The following RALYL variants were observed in gnomAD, a reference collection of about 807,000 sequenced individuals.
RALYL encodes RNA-binding Raly-like protein.
A neutral mutation model predicts 35.1 loss-of-function variants in RALYL; 29 were observed. The ratio of observed to expected loss-of-function variants is 0.83; its 90% CI spans 0.61 to 1.13. RALYL has a LOEUF of 1.13. Ranked by LOEUF, RALYL falls within the 50% of genes most tolerant of loss-of-function variation. RALYL has a pLI of 0.00. For missense variants in RALYL, 359 were observed against 360.4 expected (o/e 1.00, Z 0.03); for synonymous variants, 120 against 127.6 (o/e 0.94, Z 0.40).
intron 2 of RALYL, among the ~76,000 whole-genome samples, chr8:84,569,869 AC>A (rs1418908563): frequency 6.6e-6 from 1 of 151,386 alleles, no homozygotes; most frequent in Non-Finnish European, 1.5e-5. Context: ...TTTATTTTTG[AC>A]CCTATTGTCA....
intron 1 of RALYL, among the ~76,000 whole-genome samples, chr8:84,192,366 G>A (rs1814102090): frequency 6.6e-6 from 1 of 152,120 alleles, no homozygotes; most frequent in Non-Finnish European, 1.5e-5. Flanking sequence ...GATTAAAAAG[G>A]ACTAAAGACA....
intron 1 of RALYL, among the ~76,000 whole-genome samples, chr8:84,380,041 T>A (rs1857656459): frequency 6.7e-6 from 1 of 149,736 alleles, no homozygotes; most frequent in Non-Finnish European, 1.5e-5. Flanking sequence ...GGTGGTAGAC[T>A]ATATGCTTCT....
At chr8:84,842,549 G>A (rs140790868) in intron 4 of RALYL, among the ~76,000 whole-genome samples, 7,690 of 152,196 alleles carry the variant, frequency 0.051, 631 homozygotes, top group African/African-American at 0.18. Flanking sequence ...ACAAGGAGGA[G>A]CTAGTACCAT....
At chr8:84,255,698 A>T (rs1057189901) in intron 1 of RALYL, among the ~76,000 whole-genome samples, 7 of 152,104 alleles carry the variant, frequency 4.6e-5, no homozygotes, top group African/African-American at 1.7e-4. Flanking sequence ...AACACTCAAT[A>T]AATATTTGTG....
intron 1 of RALYL, among the ~76,000 whole-genome samples, chr8:84,453,632 A>G (rs557462654): frequency 6.6e-6 from 1 of 150,656 alleles, no homozygotes; most frequent in South Asian, 2.1e-4. Flanking sequence ...AAAGGAAAGG[A>G]CAATTAATTT....
chr8:84,433,291 A>C (rs1352553088), intron 1 of RALYL, among the ~76,000 whole-genome samples: 1 of 152,134 alleles, frequency 6.6e-6, no homozygotes, highest in Non-Finnish European at 1.5e-5. Flanking sequence ...ATTTATGGCA[A>C]TCAGATCAGT....
At chr8:84,607,359 A>C (rs569457399) in intron 2 of RALYL, among the ~76,000 whole-genome samples, 79 of 152,298 alleles carry the variant, frequency 5.2e-4, no homozygotes, top group African/African-American at 1.9e-3. Flanking sequence ...TTTTGGTTAG[A>C]GTAATTAAAT....
At chr8:84,205,298 C>A (rs2131068418) in intron 1 of RALYL, among the ~76,000 whole-genome samples, 1 of 152,216 alleles carries the variant, frequency 6.6e-6, no homozygotes, top group East Asian at 1.9e-4. Context: ...CAGGGTCCAC[C>A]CCTCTAATAG....
intron 5 of RALYL, among the ~76,000 whole-genome samples, chr8:84,858,879 CAA>C (rs942166687): frequency 1.2e-4 from 19 of 152,072 alleles, no homozygotes; most frequent in Admixed American, 1.2e-3. Flanking sequence ...CTAATTGACT[CAA>C]GAGTGCCCAA....
chr8:84,491,184 T>G (rs1419893108), intron 1 of RALYL, among the ~76,000 whole-genome samples: 1 of 152,036 alleles, frequency 6.6e-6, no homozygotes, highest in Non-Finnish European at 1.5e-5. Context: ...TTGACTATCT[T>G]TAATACTACT....
chr8:84,256,945 A>C (rs1831320101), intron 1 of RALYL, among the ~76,000 whole-genome samples: 1 of 151,920 alleles, frequency 6.6e-6, no homozygotes, highest in East Asian at 1.9e-4. Flanking sequence ...TTGAGGATTA[A>C]ATGAGATAAT....
At chr8:84,731,939 C>T (rs957931999) in intron 2 of RALYL, among the ~76,000 whole-genome samples, 2 of 152,034 alleles carry the variant, frequency 1.3e-5, no homozygotes, top group African/African-American at 4.8e-5. Flanking sequence ...TCATGCTGTT[C>T]CCTTTCCTAA....
chr8:84,382,289 C>T (rs749368815), intron 1 of RALYL, among the ~76,000 whole-genome samples: 2 of 149,410 alleles, frequency 1.3e-5, no homozygotes, highest in South Asian at 2.1e-4. Flanking sequence ...CAAAATAACT[C>T]CTTTGAAATA....
intron 1 of RALYL, among the ~76,000 whole-genome samples, chr8:84,191,706 C>A (rs1211046959): frequency 6.6e-6 from 1 of 152,036 alleles, no homozygotes; most frequent in East Asian, 1.9e-4. Flanking sequence ...GTGAATATAA[C>A]AAATTGTAAA....
At chr8:84,767,329 A>G (rs1207002114) in intron 2 of RALYL, among the ~76,000 whole-genome samples, 1 of 152,200 alleles carries the variant, frequency 6.6e-6, no homozygotes, top group South Asian at 2.1e-4. Context: ...TTTAAATTAA[A>G]GAAGAAACAA....
intron 8 of RALYL, among the ~76,000 whole-genome samples, chr8:84,904,922 C>T (rs1020053235): frequency 6.6e-6 from 1 of 152,048 alleles, no homozygotes; most frequent in Non-Finnish European, 1.5e-5. Context: ...GGAGAATTGT[C>T]TGCCAGTGAA....
At chr8:84,691,348 A>G (rs1838011481) in intron 2 of RALYL, among the ~76,000 whole-genome samples, 1 of 152,058 alleles carries the variant, frequency 6.6e-6, no homozygotes, top group African/African-American at 2.4e-5. Context: ...GATAGAATCT[A>G]GGGCACTCTG....
intron 2 of RALYL, among the ~76,000 whole-genome samples, chr8:84,618,101 G>A (rs1820286997): frequency 2.0e-5 from 3 of 151,770 alleles, no homozygotes; most frequent in African/African-American, 4.9e-5. Context: ...AGTGATGCTG[G>A]CCTCATAAAA....
chr8:84,562,419 A>G (rs1340242187), intron 2 of RALYL, among the ~76,000 whole-genome samples: 2 of 151,958 alleles, frequency 1.3e-5, no homozygotes, highest in Admixed American at 1.3e-4. Flanking sequence ...TAACATCTTC[A>G]CATATTGTTT....
Sources: gnomAD v4.1 joint callset for allele counts (sites outside exome capture counted in the v4.1 genomes callset) on GRCh38, gnomAD v4.1.1 for gene constraint, MANE v1.5 for transcripts, NCBI Gene and HGNC (gene_info 2026-07-23, HGNC 2026-07-21) for gene names.